The following MCF2L variants were observed in gnomAD, a reference collection of about 807,000 sequenced individuals.
MCF2L encodes the protein MCF.2 cell line derived transforming sequence like.
MCF2L carries 97 observed loss-of-function variants against 153.4 expected under a neutral mutation model. The observed-to-expected ratio is 0.63, with a 90% CI of 0.54 to 0.75. MCF2L has a LOEUF of 0.75. Among genes scored for constraint, MCF2L ranks in the 30% least tolerant of loss-of-function variants. MCF2L has a pLI of 0.00. For synonymous variants in MCF2L, 659 were observed against 632.2 expected (o/e 1.04, Z -0.64); for missense variants, 1,347 against 1,495.2 (o/e 0.90, Z 1.64).
At chr13:113,033,706 G>T (rs1467738931) in intron 3 of MCF2L, among the ~76,000 whole-genome samples, 4 of 152,124 alleles carry the variant, frequency 2.6e-5, no homozygotes, top group African/African-American at 9.7e-5. Context: ...GCCTGAGGCT[G>T]TGCTGGCCCC....
chr13:112,943,637 G>A lies in MCF2L; in HGVS notation c.169+41266G>A, dbSNP rs895501204. 6.6e-6 allele frequency among the ~76,000 whole-genome samples: 1 copy of A among 152,152 alleles called. No individual in the cohort carries two copies. The highest frequency in any genetic ancestry group is 2.1e-4 in the South Asian group (1 of 4,836). ...AGAGGAGGCGCGGGGGGCGGGACCT[G>A]CCGGCCAGTCCCTTACCCGGGGACA... On this transcript the variant is annotated intron_variant, in intron 2 of 29. Transcript: ENST00000375608. This position sits in a 1 kb window ranked among gnomAD's most constrained non-coding sequence, Gnocchi z 4.2.
chr13:112,964,253 G>A (rs1594392731), upstream of MCF2L, among the ~76,000 whole-genome samples: 1 of 152,242 alleles, frequency 6.6e-6, no homozygotes, highest in East Asian at 1.9e-4. Context: ...GCTTTGAGTT[G>A]TGGTTCTTGC....
At chr13:113,072,098 A>G (rs1452553968) in intron 9 of MCF2L, among the ~76,000 whole-genome samples, 1 of 152,218 alleles carries the variant, frequency 6.6e-6, no homozygotes, top group Non-Finnish European at 1.5e-5. Flanking sequence ...CCACTTTAAG[A>G]AGTCATCACA....
chr13:113,095,786 T>G (rs2035596125), intron 27 of MCF2L: 1 of 1,000,136 alleles, frequency 1.0e-6, no homozygotes, highest in African/African-American at 1.7e-5. Context: ...TAGGAACAGC[T>G]GCCGCTTCCT....
At chr13:113,048,518 GCA>G (rs1248799373) in intron 4 of MCF2L, among the ~76,000 whole-genome samples, 1 of 108,290 alleles carries the variant, frequency 9.2e-6, no homozygotes, top group Non-Finnish European at 2.0e-5. Flanking sequence ...TCAGCTCACT[GCA>G]AGCTCTGCCT....
At chr13:112,913,600 T>TTGC (rs2081258843) in intron 2 of MCF2L, among the ~76,000 whole-genome samples, 2 of 152,004 alleles carry the variant, frequency 1.3e-5, no homozygotes, top group Non-Finnish European at 2.9e-5. Flanking sequence ...ATATGCGTTG[T>TTGC]CTTTTCCTCC....
At chr13:113,050,017 C>G (rs893937287) in intron 4 of MCF2L, among the ~76,000 whole-genome samples, 1 of 148,650 alleles carries the variant, frequency 6.7e-6, no homozygotes, top group Non-Finnish European at 1.5e-5. Context: ...GCTACCCACC[C>G]AGGGGGCAGA....
chr13:113,086,004 C>T (rs1238433219), intron 20 of MCF2L, 120 bp from the exon 21 acceptor site: 7 of 1,124,996 alleles, frequency 6.2e-6, no homozygotes, highest in African/African-American at 1.6e-5. Context: ...GGGCAGCTCC[C>T]CACAGACCAG....
Position 113,074,241 on chromosome 13 carries a change from G to A in MCF2L, c.997-203G>A, listed in dbSNP as rs1010411846. Among the ~76,000 whole-genome samples the A allele has an allele frequency of 2.6e-5, 4 of 152,248 alleles. No individual in the cohort carries two copies. Among genetic ancestry groups the A allele is most frequent in the East Asian group, 1.9e-4 (1 of 5,178 alleles). ...AGTGAGGTCACTGGTGGGTAGCGTC[G>A]ACCCAGAGGCCCCACGGTCCCCGCT... On this transcript the variant is annotated intron_variant, in intron 9 of 29. Transcript: ENST00000535094. This position sits in a 1 kb window ranked among gnomAD's most constrained non-coding sequence, Gnocchi z 4.2.
chr13:112,954,199 G>A (rs1274752852), intron 2 of MCF2L, among the ~76,000 whole-genome samples: 1 of 152,186 alleles, frequency 6.6e-6, no homozygotes, highest in East Asian at 1.9e-4. Flanking sequence ...TGGAACTCCT[G>A]TTTCCAGGCC....
intron 26 of MCF2L, 72 bp from the exon 27 acceptor site, chr13:113,094,442 G>C: frequency 1.3e-6 from 2 of 1,510,878 alleles, no homozygotes; most frequent in South Asian, 2.7e-5. Flanking sequence ...GGACTTAGCT[G>C]ACCCCACCTC....
chr13:113,073,867 A>G (rs1175336823), intron 9 of MCF2L, among the ~76,000 whole-genome samples: 1 of 152,070 alleles, frequency 6.6e-6, no homozygotes, highest in African/African-American at 2.4e-5. Flanking sequence ...GTGAGCCAAG[A>G]TCACGCCACT....
At position 113,075,971 on chromosome 13, in the gene MCF2L, G is replaced by A; in HGVS notation, c.1314G>A (p.Met438Ile). Residue 438 changes from methionine to isoleucine, a missense_variant, in exon 12 of 30, where the codon ATG becomes ATA. This residue lies in a region of MCF2L where 820 missense variants were observed against 921.2 expected (regional missense o/e 0.89). Transcript: ENST00000535094. ...GCAATGCTCTGTGTTTCCAGTCCAT[G>A]AAGTGGTGTGATGAAGGGATTTACC... is the stretch of plus-strand genomic sequence containing the variant. ...LELHRRLETS[M>I]KWCDEGIYLL... 6.2e-7 allele frequency: 1 copy of A among 1,606,078 alleles called. No individual in the cohort carries two copies. Among genetic ancestry groups the A allele is most frequent in the South Asian group, 1.1e-5 (1 of 90,160 alleles).
chr13:113,001,825 T>A, intron 1 of MCF2L: 1 of 1,470,280 alleles, frequency 6.8e-7, no homozygotes, highest in Non-Finnish European at 9.0e-7. Flanking sequence ...GCGGCCAAGA[T>A]GGTGCTGGTG....
At chr13:113,052,349 G>T (rs1276310149) in intron 4 of MCF2L, among the ~76,000 whole-genome samples, 1 of 152,212 alleles carries the variant, frequency 6.6e-6, no homozygotes, top group Non-Finnish European at 1.5e-5. Context: ...CGTGTGGGCC[G>T]TGGACCCTGC....
intron 2 of MCF2L, among the ~76,000 whole-genome samples, chr13:112,959,676 T>TA (rs2081800628): frequency 1.3e-5 from 2 of 152,156 alleles, no homozygotes; most frequent in Non-Finnish European, 2.9e-5. Context: ...CTCATTCCTC[T>TA]AGCATAGACA....
At chr13:112,915,442 G>A (rs375366313) in intron 2 of MCF2L, among the ~76,000 whole-genome samples, 4 of 108,404 alleles carry the variant, frequency 3.7e-5, no homozygotes, top group East Asian at 2.5e-4. Flanking sequence ...CTCACTACAC[G>A]CATCAGCAGT....
intron 5 of MCF2L, among the ~76,000 whole-genome samples, chr13:113,060,953 A>G (rs2031299452): frequency 6.8e-6 from 1 of 147,440 alleles, no homozygotes; most frequent in South Asian, 2.3e-4. Flanking sequence ...TCAACCTCAG[A>G]GAGGCCACCG....
intron 27 of MCF2L, chr13:113,095,717 A>G (rs1595048063): frequency 1.0e-6 from 1 of 993,070 alleles, no homozygotes; most frequent in East Asian, 1.1e-4. Flanking sequence ...TGCAGCCGGC[A>G]GCACCCCTCC....
Sources: gnomAD v4.1 joint callset for allele counts (sites outside exome capture counted in the v4.1 genomes callset) on GRCh38, gnomAD v4.1.1 for gene constraint, gnomAD v4.1.1 regional missense constraint, Gnocchi (gnomAD v3.1) non-coding constraint, MANE v1.5 for transcripts, NCBI Gene and HGNC (gene_info 2026-07-23, HGNC 2026-07-21) for gene names.